Variants in SNX25 observed in about 807,000 individuals in gnomAD.
SNX25 encodes sorting nexin-25.
In SNX25, 62 loss-of-function variants were observed where a neutral mutation model predicts 113.7. The observed-to-expected ratio is 0.55, with a 90% CI of 0.44 to 0.67. The LOEUF (loss-of-function observed/expected upper bound fraction) is 0.67. Among genes scored for constraint, SNX25 ranks in the 30% least tolerant of loss-of-function variants. The pLI, the probability that SNX25 is intolerant of heterozygous loss-of-function variation, is 0.00. For synonymous variants in SNX25, 421 were observed against 436.2 expected (o/e 0.97, Z 0.43); for missense variants, 1,014 against 1,161.0 (o/e 0.87, Z 1.84).
intron 9 of SNX25, among the ~76,000 whole-genome samples, chr4:185,324,821 G>T (rs1417708142): frequency 6.6e-6 from 1 of 152,188 alleles, no homozygotes; most frequent in African/African-American, 2.4e-5. Flanking sequence ...GGGGCAGCGT[G>T]TTCCTTCTGG....
At chr4:185,302,931 G>C (rs1365596766) in intron 6 of SNX25, among the ~76,000 whole-genome samples, 1 of 152,068 alleles carries the variant, frequency 6.6e-6, no homozygotes, top group Non-Finnish European at 1.5e-5. Context: ...TGTGGGCTCG[G>C]GCACTTCCAT....
In SNX25 at chr4:185,334,993, C is replaced by T. The variant is rs900153265; in HGVS notation, c.1914+2234C>T. Among the ~76,000 whole-genome samples the T allele has an allele frequency of 1.2e-4, 18 of 152,150 alleles. No individual in the cohort carries two copies. Among genetic ancestry groups the T allele is most frequent in the African/African-American group, 4.1e-4 (17 of 41,434 alleles). ...GACATAGTCCTCCTTTTGTCGTTTACTTATGTTGGTAAAAAATTAATAATT... is the reference window on the plus strand; with the variant it reads ...GACATAGTCCTCCTTTTGTCGTTTATTTATGTTGGTAAAAAATTAATAATT... On this transcript the variant is annotated intron_variant, in intron 10 of 18. Coordinates refer to ENST00000652585, the MANE Select transcript of SNX25 (RefSeq NM_001378034.2). This position sits in a 1 kb window ranked among gnomAD's most constrained non-coding sequence, Gnocchi z 4.2.
chr4:185,342,309 C>T (rs562538104), intron 12 of SNX25, among the ~76,000 whole-genome samples, 193 bp downstream of exon 12: 4 of 152,294 alleles, frequency 2.6e-5, no homozygotes, highest in Admixed American at 6.5e-5. Flanking sequence ...GGACAGATAA[C>T]GGTCTGATTT....
intron 5 of SNX25, among the ~76,000 whole-genome samples, chr4:185,287,036 G>A (rs1751440706): frequency 6.6e-6 from 1 of 152,190 alleles, no homozygotes; most frequent in Non-Finnish European, 1.5e-5. Flanking sequence ...TTTATTACCA[G>A]CAGATGAAAT....
intron 13 of SNX25, among the ~76,000 whole-genome samples, chr4:185,348,519 A>C (rs1005177916): frequency 6.6e-6 from 1 of 152,036 alleles, no homozygotes; most frequent in African/African-American, 2.4e-5. Flanking sequence ...CAGCCCCCCA[A>C]GTAGCTGGGA....
At chr4:185,374,101 T>C, downstream of SNX25, 5 of 1,541,884 alleles carry the variant, frequency 3.2e-6, no homozygotes, top group Non-Finnish European at 4.5e-6. Context: ...TTAATCTAAA[T>C]ATAACACTAG....
chr4:185,291,691 AT>A (rs1286968501), intron 6 of SNX25, among the ~76,000 whole-genome samples: 2 of 152,086 alleles, frequency 1.3e-5, no homozygotes, highest in East Asian at 3.9e-4. Flanking sequence ...GCCTGGAGAT[AT>A]GTCACTCCAA....
chr4:185,262,993 G>C (rs1418443531), intron 3 of SNX25, among the ~76,000 whole-genome samples: 2 of 152,208 alleles, frequency 1.3e-5, no homozygotes, highest in African/African-American at 2.4e-5. Flanking sequence ...TTAGTGGAAG[G>C]ATTCCAGGGA....
chr4:185,367,303 C>CA, downstream of SNX25: 1 of 1,105,342 alleles, frequency 9.0e-7, no homozygotes, highest in Non-Finnish European at 1.3e-6. Flanking sequence ...GGTCTTTCTT[C>CA]TTTTTTTTTT....
At chr4:185,229,585 T>C (rs1377912015) in intron 1 of SNX25, among the ~76,000 whole-genome samples, 1 of 152,194 alleles carries the variant, frequency 6.6e-6, no homozygotes, top group Non-Finnish European at 1.5e-5. Context: ...TGTTGCCATC[T>C]GTTGATTTGC....
At chr4:185,312,548 A>G (rs866910437) in intron 7 of SNX25, among the ~76,000 whole-genome samples, 1 of 145,268 alleles carries the variant, frequency 6.9e-6, no homozygotes, top group African/African-American at 2.6e-5. Flanking sequence ...TTTGAGATGG[A>G]GTCTCACTCT....
chr4:185,302,735 G>A (rs1753889553), intron 6 of SNX25, among the ~76,000 whole-genome samples: 1 of 152,172 alleles, frequency 6.6e-6, no homozygotes, highest in South Asian at 2.1e-4. Context: ...TTGTTCGAAA[G>A]CCATGCAGTC....
intron 1 of SNX25, among the ~76,000 whole-genome samples, chr4:185,212,491 G>GTTTTTGGTT (rs59085661): frequency 9.5e-6 from 1 of 104,944 alleles, no homozygotes; most frequent in Non-Finnish European, 1.9e-5. Context: ...GTGTGTGTGT[G>GTTTTTGGTT]TTTTTTTTTT....
At chr4:185,243,338 G>GAGTTACAAGCAT in intron 1 of SNX25, among the ~76,000 whole-genome samples, 1 of 152,256 alleles carries the variant, frequency 6.6e-6, no homozygotes, top group African/African-American at 2.4e-5. Context: ...TGCTAGGCAT[G>GAGTTACAAGCAT]GTGACTCATG....
intron 1 of SNX25, among the ~76,000 whole-genome samples, chr4:185,222,007 TATAG>T: frequency 6.8e-6 from 1 of 146,268 alleles, no homozygotes; most frequent in Non-Finnish European, 1.5e-5. Context: ...ATGGTAGATA[TATAG>T]CACCATATAT....
At chr4:185,293,127 G>A (rs1752408058) in intron 6 of SNX25, among the ~76,000 whole-genome samples, 2 of 152,204 alleles carry the variant, frequency 1.3e-5, no homozygotes, top group South Asian at 2.1e-4. Flanking sequence ...GCCTTCTAGG[G>A]TGGCTAAAGT....
chr4:185,231,265 A>T (rs1355055110), intron 1 of SNX25, among the ~76,000 whole-genome samples: 5 of 151,000 alleles, frequency 3.3e-5, no homozygotes, highest in African/African-American at 1.2e-4. Context: ...CGCCCGGCTA[A>T]TTTTTTTGTA....
intron 4 of SNX25, 32 bp downstream of exon 4, chr4:185,264,642 A>G (rs1210805720): frequency 3.1e-6 from 5 of 1,605,004 alleles, no homozygotes; most frequent in East Asian, 2.2e-5. Context: ...CACTAATTCA[A>G]TAAGTGTGCA....
At chr4:185,320,009 C>T (rs984317166) in intron 7 of SNX25, among the ~76,000 whole-genome samples, 7 of 152,148 alleles carry the variant, frequency 4.6e-5, no homozygotes, top group African/African-American at 1.2e-4. Context: ...GAAATAGGAA[C>T]GCTTTTACAC....
Sources: gnomAD v4.1 joint callset for allele counts (sites outside exome capture counted in the v4.1 genomes callset) on GRCh38, gnomAD v4.1.1 for gene constraint, Gnocchi (gnomAD v3.1) non-coding constraint, MANE v1.5 for transcripts, NCBI Gene and HGNC (gene_info 2026-07-23, HGNC 2026-07-21) for gene names.